Variants in DPP10 observed in about 807,000 individuals in gnomAD.
The protein encoded by DPP10 is dipeptidyl peptidase like 10.
DPP10 carries 33 observed loss-of-function variants against 120.9 expected under a neutral mutation model. The observed-to-expected ratio is 0.27, with a 90% CI of 0.21 to 0.37. The LOEUF (loss-of-function observed/expected upper bound fraction) is 0.37, where lower values mean the gene tolerates loss of function less well. DPP10 is among the 10% of genes least tolerant of loss of function. The pLI is 1.00. For missense variants in DPP10, 816 were observed against 942.8 expected, an observed-to-expected ratio of 0.87 and a Z score of 1.76; for synonymous variants, 337 against 326.1, an observed-to-expected ratio of 1.03 and a Z score of -0.36.
chr2:115,348,130 A>G (rs541795340), intron 3 of DPP10, among the ~76,000 whole-genome samples: 2 of 152,140 alleles, frequency 1.3e-5, no homozygotes, highest in East Asian at 1.9e-4. Context: ...GAGGCCTTCC[A>G]ATATCTTAGT....
intron 5 of DPP10, among the ~76,000 whole-genome samples, chr2:115,626,260 G>T (rs2085349216): frequency 1.3e-5 from 2 of 151,818 alleles, no homozygotes; most frequent in South Asian, 4.2e-4. Context: ...AAAATCAGTT[G>T]AATCAATCAG....
At chr2:114,907,593 A>T (rs1470402625) in intron 1 of DPP10, among the ~76,000 whole-genome samples, 1 of 152,122 alleles carries the variant, frequency 6.6e-6, no homozygotes, top group East Asian at 1.9e-4. Flanking sequence ...ATTCCTGCAT[A>T]TTCTTAAATG....
intron 1 of DPP10, among the ~76,000 whole-genome samples, chr2:115,192,695 G>A (rs1448780596): frequency 6.6e-6 from 1 of 151,876 alleles, no homozygotes; most frequent in Non-Finnish European, 1.5e-5. Flanking sequence ...ATATTAGTGG[G>A]CTATTAATGT....
chr2:115,803,923 C>T (rs1455593560), intron 19 of DPP10, among the ~76,000 whole-genome samples: 1 of 152,122 alleles, frequency 6.6e-6, no homozygotes, highest in Non-Finnish European at 1.5e-5. Context: ...AGTTGCTCTT[C>T]TCGAGCAGTA....
At chr2:114,742,045 A>G (rs1394423382) in intron 1 of DPP10, among the ~76,000 whole-genome samples, 2 of 152,350 alleles carry the variant, frequency 1.3e-5, no homozygotes, top group Admixed American at 6.5e-5. Context: ...TTTACCTTTC[A>G]TAAGTGCAGA....
intron 1 of DPP10, among the ~76,000 whole-genome samples, chr2:114,556,446 T>G (rs1410385296): frequency 6.6e-6 from 1 of 151,546 alleles, no homozygotes; most frequent in African/African-American, 2.4e-5. Flanking sequence ...TTGGGGCCAT[T>G]TATAGAGAGA....
intron 1 of DPP10, among the ~76,000 whole-genome samples, chr2:114,557,968 C>T (rs576175124): frequency 2.6e-5 from 4 of 152,130 alleles, no homozygotes; most frequent in Non-Finnish European, 5.9e-5. Flanking sequence ...GTATGTCCCT[C>T]AGCACTAGAT....
intron 1 of DPP10, among the ~76,000 whole-genome samples, chr2:115,102,758 G>A (rs1559097716): frequency 1.5e-5 from 2 of 131,930 alleles, no homozygotes; most frequent in Non-Finnish European, 3.3e-5. Flanking sequence ...AAAAAAAAGA[G>A]TCATAAAGAA....
intron 5 of DPP10, among the ~76,000 whole-genome samples, chr2:115,570,303 A>G (rs965041214): frequency 2.6e-5 from 4 of 152,200 alleles, no homozygotes; most frequent in Non-Finnish European, 5.9e-5. Context: ...CATGAACTCA[A>G]TATAGTCAGG....
intron 1 of DPP10, among the ~76,000 whole-genome samples, chr2:114,576,657 A>G (rs76762914): frequency 0.032 from 4,898 of 152,268 alleles, 119 homozygotes; most frequent in Non-Finnish European, 0.046. Context: ...GCAAACAAAC[A>G]AACAAACAAA....
chr2:114,478,125 A>T (rs1680684056), intron 1 of DPP10, among the ~76,000 whole-genome samples: 1 of 152,044 alleles, frequency 6.6e-6, no homozygotes, highest in Admixed American at 6.6e-5. Flanking sequence ...CCACACAGAC[A>T]GTATAAAAAA....
chr2:115,607,293 A>G (rs1359228213), intron 5 of DPP10, among the ~76,000 whole-genome samples: 1 of 152,198 alleles, frequency 6.6e-6, no homozygotes, highest in Non-Finnish European at 1.5e-5. Flanking sequence ...ATTTAATAAT[A>G]ATATAAGAAA....
intron 1 of DPP10, among the ~76,000 whole-genome samples, chr2:114,688,864 A>G (rs1477560832): frequency 2.0e-5 from 3 of 151,800 alleles, no homozygotes; most frequent in Non-Finnish European, 2.9e-5. Context: ...AGTTAGGAGG[A>G]CATATTTTTC....
chr2:115,573,468 G>A (rs1341002064), intron 5 of DPP10, among the ~76,000 whole-genome samples: 1 of 151,400 alleles, frequency 6.6e-6, no homozygotes. Flanking sequence ...ATTTTTAGTA[G>A]AGGCGGGGTT....
rs143829652 is a variant in DPP10, at chr2:114,815,705, A to T, written c.60+372867A>T. 1.1e-3 allele frequency among the ~76,000 whole-genome samples: 167 copies of T among 152,200 alleles called. 3 individuals carry two copies. The highest frequency in any genetic ancestry group is 3.8e-3 in the African/African-American group (158 of 41,538). ...ACACTGTCTTTCTACTCCCTCAATT[A>T]TGTCACTGCTTTATCTGAGAGCAAT... On this transcript the variant is annotated intron_variant, in intron 1 of 25. Transcript: ENST00000410059.
intron 2 of DPP10, among the ~76,000 whole-genome samples, chr2:115,325,567 T>C (rs1326153186): frequency 6.6e-6 from 1 of 152,088 alleles, no homozygotes; most frequent in Non-Finnish European, 1.5e-5. Context: ...CAAAAATGCT[T>C]TGGGGCATTT....
chr2:114,686,930 C>T (rs563794888), intron 1 of DPP10, among the ~76,000 whole-genome samples: 10 of 152,028 alleles, frequency 6.6e-5, no homozygotes, highest in African/African-American at 2.4e-4. Context: ...TATAGTATCT[C>T]TGGGATGTGC....
chr2:114,674,816 C>T (rs954263187), intron 1 of DPP10, among the ~76,000 whole-genome samples: 3 of 152,170 alleles, frequency 2.0e-5, no homozygotes, highest in African/African-American at 7.2e-5. Flanking sequence ...AATGTGCCCA[C>T]TGGGATTTCA....
intron 1 of DPP10, among the ~76,000 whole-genome samples, chr2:114,663,640 G>GATATATATATATATAT (rs748891458): frequency 1.9e-5 from 2 of 107,870 alleles, no homozygotes; most frequent in African/African-American, 9.8e-5. Flanking sequence ...TACATGTACA[G>GATATATATATATATAT]ATATATATAT....
Sources: gnomAD v4.1 joint callset for allele counts (sites outside exome capture counted in the v4.1 genomes callset) on GRCh38, gnomAD v4.1.1 for gene constraint, MANE v1.5 for transcripts, NCBI Gene and HGNC (gene_info 2026-07-23, HGNC 2026-07-21) for gene names.